Variants in C1orf87 observed in about 807,000 individuals in gnomAD.
C1orf87 encodes the protein chromosome 1 open reading frame 87, also known as uncharacterized protein C1orf87.
In C1orf87, 58 loss-of-function variants were observed where a neutral mutation model predicts 60.5. That is an observed-to-expected ratio of 0.96 (90% CI 0.78 to 1.19). The LOEUF is 1.19. C1orf87 is among the 50% of genes most tolerant of loss of function. The pLI is 0.00. For synonymous variants in C1orf87, 236 were observed against 227.4 expected (o/e 1.04, Z -0.34); for missense variants, 673 against 638.6 (o/e 1.05, Z -0.58).
intron 8 of C1orf87, among the ~76,000 whole-genome samples, chr1:60,024,433 A>C (rs1645184985): frequency 6.6e-6 from 1 of 152,196 alleles, no homozygotes; most frequent in South Asian, 2.1e-4. Flanking sequence ...GGAAACATGA[A>C]GTATTCCCAA....
intron 2 of C1orf87, among the ~76,000 whole-genome samples, chr1:60,060,164 A>T (rs1354143522): frequency 6.6e-6 from 1 of 152,004 alleles, no homozygotes; most frequent in East Asian, 1.9e-4. Flanking sequence ...AAAGATCAAA[A>T]AAATATGTTC....
intron 9 of C1orf87, among the ~76,000 whole-genome samples, chr1:60,009,928 C>T (rs1645071335): frequency 6.6e-6 from 1 of 151,678 alleles, no homozygotes. Flanking sequence ...ATTAAATAGC[C>T]CACGAAGGAT....
intron 10 of C1orf87, among the ~76,000 whole-genome samples, chr1:59,999,415 G>A (rs1252569265): frequency 2.0e-5 from 3 of 152,110 alleles, no homozygotes; most frequent in Non-Finnish European, 4.4e-5. Flanking sequence ...TCAGATGAAA[G>A]CTTTAGAAAA....
At chr1:60,047,823 G>T (rs1645384350) in intron 3 of C1orf87, among the ~76,000 whole-genome samples, 1 of 150,634 alleles carries the variant, frequency 6.6e-6, no homozygotes, top group Admixed American at 6.6e-5. Flanking sequence ...TCAACATAAT[G>T]GTCATTAAAA....
chr1:60,026,460 AG>A (rs1276141091), intron 7 of C1orf87, among the ~76,000 whole-genome samples: 1 of 152,024 alleles, frequency 6.6e-6, no homozygotes, highest in Non-Finnish European at 1.5e-5. Context: ...CAGAAGGAGG[AG>A]AGAGGAAGCA....
intron 2 of C1orf87, among the ~76,000 whole-genome samples, chr1:60,062,833 T>G (rs944624031): frequency 1.3e-5 from 2 of 152,190 alleles, no homozygotes; most frequent in African/African-American, 4.8e-5. Context: ...TGTTACCTCA[T>G]AGTCTCAATA....
At position 60,025,430 on chromosome 1, in the gene C1orf87, A is replaced by G. The variant is rs1293402632; in HGVS notation, c.1098T>C (p.His366=). Residue 366 remains histidine (H), a synonymous_variant, in exon 8 of 12, where the codon CAT becomes CAC. Transcript: ENST00000371201. ...TTTCATTTTGGTAACCCAAATCTTG[A>G]TGGTTAAGCAATGTTTCCAGCAGGC... The part of the protein sequence containing the change: ...TLSLLETLLN[H]QDLGYQNEIK... 1 of 1,613,532 alleles carries G rather than the reference A, an allele frequency of 6.2e-7. No homozygotes were observed. Among genetic ancestry groups the G allele is most frequent in the East Asian group, 2.2e-5 (1 of 44,830 alleles).
At chr1:59,992,944 G>T (rs1239474562) in intron 11 of C1orf87, among the ~76,000 whole-genome samples, 1 of 152,118 alleles carries the variant, frequency 6.6e-6, no homozygotes, top group Non-Finnish European at 1.5e-5. Context: ...CATTCTTTGA[G>T]TTGGCCAATT....
intron 3 of C1orf87, among the ~76,000 whole-genome samples, chr1:60,041,493 G>A (rs1344267101): frequency 6.6e-6 from 1 of 152,134 alleles, no homozygotes; most frequent in Non-Finnish European, 1.5e-5. Context: ...TAATTAGCAG[G>A]TTCAGGAAGG....
At position 60,070,213 on chromosome 1, in the gene C1orf87, C is replaced by G. The variant is rs527720500; in HGVS notation, c.107+2324G>C. 8.5e-5 allele frequency among the ~76,000 whole-genome samples: 13 copies of G among 152,314 alleles called. No homozygotes were observed. The South Asian group carries it at 2.5e-3, about 29-fold the overall frequency. On this transcript the variant is annotated intron_variant, in intron 2 of 11. Coordinates refer to ENST00000371201, the MANE Select transcript of C1orf87 (RefSeq NM_152377.3). The stretch of plus-strand genomic sequence containing the variant: ...TGGGCTGCATCTAAAAGGCTACCTT[C>G]AAGTCTGTCATACCATCCCATCATC...
intron 9 of C1orf87, among the ~76,000 whole-genome samples, chr1:60,005,614 G>A (rs1423366974): frequency 1.3e-5 from 2 of 152,100 alleles, no homozygotes; most frequent in Non-Finnish European, 2.9e-5. Context: ...AAATGTTACA[G>A]CAAAGGCTAA....
intron 2 of C1orf87, among the ~76,000 whole-genome samples, chr1:60,070,735 C>A (rs12741844): frequency 0.13 from 19,635 of 152,110 alleles, 1,595 homozygotes; most frequent in East Asian, 0.27. Context: ...TTTTATTTTA[C>A]AATTAATTTA....
intron 7 of C1orf87, among the ~76,000 whole-genome samples, chr1:60,026,820 G>T (rs772400394): frequency 6.6e-6 from 1 of 152,158 alleles, no homozygotes; most frequent in East Asian, 1.9e-4. Flanking sequence ...GTCACCACAA[G>T]TGCAGAATTC....
At chr1:60,007,224 T>C (rs1282235910) in intron 9 of C1orf87, among the ~76,000 whole-genome samples, 1 of 152,126 alleles carries the variant, frequency 6.6e-6, no homozygotes, top group Admixed American at 6.5e-5. Context: ...TTACATACTT[T>C]TAAATGTGTT....
chr1:60,014,046 T>C (rs997194705), intron 8 of C1orf87, among the ~76,000 whole-genome samples: 2 of 152,136 alleles, frequency 1.3e-5, no homozygotes, highest in African/African-American at 4.8e-5. Flanking sequence ...AGCACCATAG[T>C]CATATTTTTC....
intron 10 of C1orf87, 82 bp downstream of exon 10, chr1:60,000,995 A>G: frequency 8.8e-7 from 1 of 1,140,978 alleles, no homozygotes; most frequent in South Asian, 1.3e-5. Flanking sequence ...AACCCACAGG[A>G]GAGAGCCCCA....
At chr1:60,065,149 A>T (rs2100332639) in intron 2 of C1orf87, among the ~76,000 whole-genome samples, 1 of 145,792 alleles carries the variant, frequency 6.9e-6, no homozygotes, top group South Asian at 2.1e-4. Flanking sequence ...ATACAAAAAG[A>T]AAAAAAAATT....
chr1:60,044,310 G>A (rs1369268384), intron 3 of C1orf87, among the ~76,000 whole-genome samples: 4 of 152,196 alleles, frequency 2.6e-5, no homozygotes, highest in African/African-American at 9.7e-5. Context: ...GATTACAGGC[G>A]TGAGCCACCA....
At chr1:60,025,065 T>C (rs1645189572) in intron 8 of C1orf87, among the ~76,000 whole-genome samples, 1 of 152,216 alleles carries the variant, frequency 6.6e-6, no homozygotes, top group South Asian at 2.1e-4. Flanking sequence ...AAATTCAGGC[T>C]GCTATCACAA....
Sources: gnomAD v4.1 joint callset for allele counts (sites outside exome capture counted in the v4.1 genomes callset) on GRCh38, gnomAD v4.1.1 for gene constraint, MANE v1.5 for transcripts, NCBI Gene and HGNC (gene_info 2026-07-23, HGNC 2026-07-21) for gene names.